TSR3: variants seen among roughly 807,000 people sequenced by gnomAD.
TSR3 encodes TSR3 ribosome maturation factor, also known as 18S rRNA aminocarboxypropyltransferase.
In TSR3, 31 loss-of-function variants were observed where a neutral mutation model predicts 28.1. The ratio of observed to expected loss-of-function variants is 1.10; its 90% CI spans 0.83 to 1.49. The LOEUF (loss-of-function observed/expected upper bound fraction) is 1.49, where lower values mean the gene tolerates loss of function less well. Among genes scored for constraint, TSR3 ranks in the 40% most tolerant of loss-of-function variants. The pLI is 0.00. For synonymous variants in TSR3, 219 were observed against 197.2 expected, an observed-to-expected ratio of 1.11 and a Z score of -0.93; for missense variants, 511 against 444.0, an observed-to-expected ratio of 1.15 and a Z score of -1.36.
In TSR3 at chr16:1,351,426, A is replaced by C; in HGVS notation, c.285T>G (p.Gly95=). ...RCLRLGHRFG[G]LVLSPVGKQY... Reference sequence around the variant, plus strand: ...GCTTGCCCACGGGGCTCAGCACCAGACCGCCGAATCTGTGGCCCAGGCGCA... The same window carrying C: ...GCTTGCCCACGGGGCTCAGCACCAGCCCGCCGAATCTGTGGCCCAGGCGCA... Residue 95 remains glycine (G), a synonymous_variant, in exon 2 of 6, where the codon GGT becomes GGG. Coordinates refer to ENST00000007390, the MANE Select transcript of TSR3 (RefSeq NM_001001410.3). 6.3e-7 allele frequency: 1 copy of C among 1,595,284 alleles called. No individual in the cohort carries two copies. Among genetic ancestry groups the C allele is most frequent in the Non-Finnish European group, 8.5e-7 (1 of 1,178,760 alleles).
rs2034677457 is a variant in TSR3 at position 1,351,410 on chromosome 16, C to A, written c.301G>T (p.Val101Leu). The A allele has an allele frequency of 1.9e-6, 3 of 1,594,700 alleles. No homozygotes were observed. Among genetic ancestry groups the A allele is most frequent in the Non-Finnish European group, 2.5e-6 (3 of 1,178,300 alleles). The change falls in exon 2 of 6, where the codon GTG (valine) becomes TTG (leucine). Residue 101 changes from valine (V) to leucine (L), a missense_variant. By Grantham distance (32) the Val-to-Leu change is conservative. Coordinates refer to ENST00000007390, the MANE Select transcript of TSR3 (RefSeq NM_001001410.3). The part of the protein sequence containing the change: ...HRFGGLVLSP[V>L]GKQYASPADR... ...GCGGGGGACGCGTACTGCTTGCCCACGGGGCTCAGCACCAGACCGCCGAAT... is the reference window on the plus strand; with the variant it reads ...GCGGGGGACGCGTACTGCTTGCCCAAGGGGCTCAGCACCAGACCGCCGAAT...
rs1270534848 is a variant in TSR3 at position 1,350,960 on chromosome 16, A to G, written c.373T>C (p.Ser125Pro). The G allele has an allele frequency of 6.2e-7, 1 of 1,612,376 alleles. No individual in the cohort carries two copies. Among genetic ancestry groups the G allele is most frequent in the Non-Finnish European group, 8.5e-7 (1 of 1,179,906 alleles). The stretch of plus-strand genomic sequence containing the variant: ...GGTGTCTCGTCCAGCCTGGCCCAGG[A>G]GCAGTCGATGACGGCGACCCCAGAC... ...AQSGVAVIDC[S>P]WARLDETPFG... The change falls in exon 3 of 6, where the codon TCC (serine) becomes CCC (proline). Residue 125 changes from serine (S) to proline (P), a missense_variant. By Grantham distance (74) the Ser-to-Pro change is moderately conservative. Coordinates refer to ENST00000007390, the MANE Select transcript of TSR3 (RefSeq NM_001001410.3).
chr16:1,350,520 G>A (rs970449921), intron 3 of TSR3, among the ~76,000 whole-genome samples: 3 of 152,124 alleles, frequency 2.0e-5, no homozygotes, highest in East Asian at 1.9e-4. Context: ...ATTCAGTAAG[G>A]AGGACGTGGA....
At chr16:1,351,355 C>A (rs1435364582) in intron 2 of TSR3, 24 bp downstream of exon 2, 1 of 1,564,318 alleles carries the variant, frequency 6.4e-7, no homozygotes, top group East Asian at 2.3e-5. Flanking sequence ...TGAAGACGAC[C>A]TCGGGCAGGC....
Position 1,349,374 on chromosome 16 carries a change from A to T in TSR3, c.*63T>A. Reference sequence around the variant, plus strand: ...AGAGCCGAGGCTGCCAGGCCCATTTATGTCCCTCATGTCTCTAGATTTTCT... The same window carrying T: ...AGAGCCGAGGCTGCCAGGCCCATTTTTGTCCCTCATGTCTCTAGATTTTCT... On this transcript the variant is annotated 3_prime_UTR_variant, in exon 6 of 6. Transcript: ENST00000007390. The T allele has an allele frequency of 1.3e-6, 2 of 1,558,740 alleles. No homozygotes were observed. Among genetic ancestry groups the T allele is most frequent in the Non-Finnish European group, 1.8e-6 (2 of 1,130,834 alleles).
Position 1,349,358 on chromosome 16 carries a change from G to A in TSR3, c.*79C>T, listed in dbSNP as rs766962853. 6.5e-6 allele frequency: 10 copies of A among 1,535,660 alleles called. No individual in the cohort carries two copies. The highest frequency in any genetic ancestry group is 1.4e-5 in the African/African-American group (1 of 73,546). On this transcript the variant is annotated 3_prime_UTR_variant, in exon 6 of 6. Transcript: ENST00000007390. ...CTGCCAGCAGCCGCAAAGAGCCGAG[G>A]CTGCCAGGCCCATTTATGTCCCTCA...
At chr16:1,351,133 G>T in intron 2 of TSR3, 133 bp from the exon 3 acceptor site, 1 of 1,084,716 alleles carries the variant, frequency 9.2e-7, no homozygotes, top group Non-Finnish European at 1.3e-6. Flanking sequence ...CGGACTTCAC[G>T]AGCAAGCTTT....
rs962004375 is a variant in TSR3, at chr16:1,351,423, C to T, written c.288G>A (p.Leu96=). The change falls in exon 2 of 6, where the codon CTG becomes CTA. Residue 96 remains leucine, a synonymous_variant. Coordinates refer to ENST00000007390, the MANE Select transcript of TSR3 (RefSeq NM_001001410.3). ...ACTGCTTGCCCACGGGGCTCAGCAC[C>T]AGACCGCCGAATCTGTGGCCCAGGC... ...CLRLGHRFGG[L]VLSPVGKQYA... 1.9e-6 allele frequency: 3 copies of T among 1,595,932 alleles called. No homozygotes were observed. In the African/African-American group the frequency reaches 4.0e-5, roughly 21 times the overall value.
Position 1,349,549 on chromosome 16 carries a change from C to T in TSR3, c.827G>A (p.Arg276His), listed in dbSNP as rs756466153. 4.5e-5 allele frequency: 72 copies of T among 1,613,052 alleles called. No homozygotes were observed. Among genetic ancestry groups the T allele is most frequent in the Non-Finnish European group, 5.6e-5 (66 of 1,179,976 alleles). The change falls in exon 6 of 6, where the codon CGC becomes CAC. Residue 276 changes from arginine (R) to histidine (H), a missense_variant. By Grantham distance (29) the Arg-to-His change is conservative. Coordinates refer to ENST00000007390, the MANE Select transcript of TSR3 (RefSeq NM_001001410.3). ...ACAGCAGCTGCTGCTGGCTCCTCCGCGCTCGGCGCCAGGCCCTGGGTCCTC... is the reference window on the plus strand; with the variant it reads ...ACAGCAGCTGCTGCTGGCTCCTCCGTGCTCGGCGCCAGGCCCTGGGTCCTC... ...ASEDPGPGAE[R>H]GGASSSCCEE...
At chr16:1,351,031 A>T (rs757043301) in intron 2 of TSR3, 31 bp from the exon 3 acceptor site, 2 of 1,603,808 alleles carry the variant, frequency 1.2e-6, no homozygotes. Context: ...TAAGTTCAGG[A>T]GCCAGCACTA....
At position 1,351,838 on chromosome 16, in the gene TSR3, C is replaced by G. The variant is rs1389596087; in HGVS notation, c.-34G>C. The G allele has an allele frequency of 7.8e-7, 1 of 1,283,042 alleles. No homozygotes were observed. Among genetic ancestry groups the G allele is most frequent in the Non-Finnish European group, 9.8e-7 (1 of 1,019,600 alleles). The allele number at this position is 1,283,042 out of a possible 1,614,324, so 79.5% of individuals were successfully genotyped here. On this transcript the variant is annotated 5_prime_UTR_variant, in exon 1 of 6. Transcript: ENST00000007390. ...CCTGGGGTGCCGGGGACTCCCCACC[C>G]CACGGCCGCGCCCCTCGGCCTCCCA...
rs374436375 is a variant in TSR3 at position 1,350,883 on chromosome 16, G to A, written c.450C>T (p.Ala150=). 1.1e-5 allele frequency: 18 copies of A among 1,612,888 alleles called. No individual in the cohort carries two copies. The highest frequency in any genetic ancestry group is 1.4e-5 in the Non-Finnish European group (16 of 1,180,006). ...GCCGGCCATAGTTCACGGGGTTGGC[G>A]GCCACCAGGTAGGGCAACAGGCGCA... ...SHLRLLPYLV[A]ANPVNYGRPY... The change falls in exon 3 of 6, where the codon GCC becomes GCT. Residue 150 remains alanine, a synonymous_variant. Transcript: ENST00000007390.
At chr16:1,350,468 C>G (rs2034640306) in intron 3 of TSR3, among the ~76,000 whole-genome samples, 2 of 152,160 alleles carry the variant, frequency 1.3e-5, no homozygotes, top group African/African-American at 4.8e-5. Context: ...ACATTCCCAC[C>G]AAGACTGCCC....
In TSR3 at chr16:1,351,604, CGAGA is replaced by C; in HGVS notation, c.113-10_113-7del. 4 of 1,472,000 alleles carry C rather than the reference CGAGA, an allele frequency of 2.7e-6. No individual in the cohort carries two copies. Among genetic ancestry groups the C allele is most frequent in the Non-Finnish European group, 3.6e-6 (4 of 1,120,730 alleles). 91.2% of individuals were successfully genotyped at this position (1,472,000 alleles called of 1,614,324 possible). Reference sequence around the variant, plus strand: ...CGCCCCTGGCTCCACGGAAGCTGCACGAGAGAGAGAAGGGCACTCGGCCTCAGCG... The same window carrying C: ...CGCCCCTGGCTCCACGGAAGCTGCACGAGAGAAGGGCACTCGGCCTCAGCG... On this transcript the variant is annotated splice_polypyrimidine_tract_variant and splice_region_variant and intron_variant, in intron 1 of 5. Coordinates refer to ENST00000007390, the MANE Select transcript of TSR3 (RefSeq NM_001001410.3).
rs182194752 is a variant in TSR3, at chr16:1,351,062, G to C, written c.333-62C>G. The C allele has an allele frequency of 1.5e-4, 231 of 1,529,856 alleles. 1 individual carries two copies. In the African/African-American group the frequency reaches 3.0e-3, roughly 20 times the overall value. The allele number at this position is 1,529,856 out of a possible 1,614,324, so 94.8% of individuals were successfully genotyped here. ...CACTACCCAAGGTGGAGCATGCCCC[G>C]GAGAATGGCCTAGCTAAGGGATTCA... is the stretch of plus-strand genomic sequence containing the variant. On this transcript the variant is annotated intron_variant, in intron 2 of 5. Transcript: ENST00000007390.
chr16:1,351,299 T>C lies in TSR3; in HGVS notation c.332+80A>G, dbSNP rs1045276060. 37 of 1,426,122 alleles carry C rather than the reference T, an allele frequency of 2.6e-5. No homozygotes were observed. The East Asian group carries it at 2.6e-4, about 10-fold the overall frequency. 88.3% of individuals were successfully genotyped at this position (1,426,122 alleles called of 1,614,324 possible). A position where few individuals can be genotyped will look rare whatever the true frequency, so the allele number is the denominator to read the frequency against. On this transcript the variant is annotated intron_variant, in intron 2 of 5. Transcript: ENST00000007390. ...CGTGGGTGTGGATGTGGGTGCGACA[T>C]ACAAGTGCCACTAAACCATCCCTGA...
At chr16:1,351,100 C>A (rs2034664719) in intron 2 of TSR3, 100 bp from the exon 3 acceptor site, 1 of 1,305,776 alleles carries the variant, frequency 7.7e-7, no homozygotes, top group South Asian at 1.4e-5. Context: ...GACATCATTC[C>A]GCCATCCCCA....
intron 3 of TSR3, 99 bp from the exon 4 acceptor site, chr16:1,350,333 C>A: frequency 7.7e-7 from 1 of 1,299,842 alleles, no homozygotes; most frequent in East Asian, 2.4e-5. Context: ...CCCAAGTAAC[C>A]GCAGGGTCCC....
chr16:1,351,612 A>G lies in TSR3; in HGVS notation c.113-14T>C. The G allele has an allele frequency of 6.8e-7, 1 of 1,465,526 alleles. No individual in the cohort carries two copies. Among genetic ancestry groups the G allele is most frequent in the Non-Finnish European group, 8.9e-7 (1 of 1,118,180 alleles). 90.8% of individuals were successfully genotyped at this position (1,465,526 alleles called of 1,614,324 possible). A position where few individuals can be genotyped will look rare whatever the true frequency, so the allele number is the denominator to read the frequency against. On this transcript the variant is annotated splice_polypyrimidine_tract_variant and intron_variant, in intron 1 of 5. Coordinates refer to ENST00000007390, the MANE Select transcript of TSR3 (RefSeq NM_001001410.3). ...GCTCCACGGAAGCTGCACGAGAGAG[A>G]GAAGGGCACTCGGCCTCAGCGTGGG...
Sources: allele counts gnomAD v4.1 joint callset (sites outside exome capture counted in the v4.1 genomes callset), GRCh38; gene constraint gnomAD v4.1.1; transcripts MANE v1.5; gene names NCBI Gene and HGNC (gene_info 2026-07-23, HGNC 2026-07-21).